Variants in ICE2 observed in about 807,000 individuals in gnomAD.
ICE2 encodes the protein little elongation complex subunit 2.
A neutral mutation model predicts 105.4 loss-of-function variants in ICE2; 87 were observed. The ratio of observed to expected loss-of-function variants is 0.83; its 90% confidence interval spans 0.69 to 0.99. The LOEUF (loss-of-function observed/expected upper bound fraction) is 0.99, where lower values mean the gene tolerates loss of function less well. ICE2 is among the 50% of genes least tolerant of loss of function. The pLI, the probability that ICE2 is intolerant of heterozygous loss-of-function variation, is 0.00. For synonymous variants in ICE2, 399 were observed against 392.0 expected, an observed-to-expected ratio of 1.02 and a Z score of -0.21; for missense variants, 1,323 against 1,146.7, an observed-to-expected ratio of 1.15 and a Z score of -2.22.
rs1463146740 is a variant in ICE2 at position 60,420,244 on chromosome 15, C to G, written c.*3390G>C. The G allele has an allele frequency of 6.6e-6, 1 of 152,008 alleles. No homozygotes were observed. The highest frequency in any genetic ancestry group is 1.5e-5 in the Non-Finnish European group (1 of 68,020). 9.4% of individuals were successfully genotyped at this position (152,008 alleles called of 1,614,324 possible). A position where few individuals can be genotyped will look rare whatever the true frequency, so the allele number is the denominator to read the frequency against. On this transcript the variant is annotated 3_prime_UTR_variant, in exon 16 of 16. Transcript: ENST00000261520. Reference sequence around the variant, plus strand: ...TAACACCATCATTTACTCAGTATCTCAAATGAGAAACCCAGAAGCCATACT... The same window carrying G: ...TAACACCATCATTTACTCAGTATCTGAAATGAGAAACCCAGAAGCCATACT...
Position 60,419,947 on chromosome 15 carries a change from A to G in ICE2, c.*3687T>C, listed in dbSNP as rs1045043767. On this transcript the variant is annotated 3_prime_UTR_variant, in exon 16 of 16. Transcript: ENST00000261520. ...AAGGGTGGAGCTTAAGTGTGGGCTT[A>G]GCGACTTACTAATCCTTCAGATGAC... 1.8e-4 allele frequency: 27 copies of G among 152,358 alleles called. No homozygotes were observed. Among genetic ancestry groups the G allele is most frequent in the African/African-American group, 6.5e-4 (27 of 41,588 alleles). The allele number at this position is 152,358 out of a possible 1,614,324, so 9.4% of individuals were successfully genotyped here.
intron 3 of ICE2, among the ~76,000 whole-genome samples, chr15:60,473,400 C>T (rs1176906301): frequency 6.6e-6 from 1 of 152,046 alleles, no homozygotes; most frequent in African/African-American, 2.4e-5. Flanking sequence ...TCAGGTGATC[C>T]TCACACCTCA....
chr15:60,434,543 AC>A (rs2063539017), intron 13 of ICE2, among the ~76,000 whole-genome samples: 1 of 98,868 alleles, frequency 1.0e-5, no homozygotes, highest in African/African-American at 3.8e-5. Flanking sequence ...ACACACACAC[AC>A]ACACACACAC....
At chr15:60,435,502 G>A (rs1324388703) in intron 13 of ICE2, among the ~76,000 whole-genome samples, 1 of 151,896 alleles carries the variant, frequency 6.6e-6, no homozygotes, top group East Asian at 1.9e-4. Flanking sequence ...AGGAGGCTGA[G>A]GCAGGAGAAT....
intron 1 of ICE2, chr15:60,478,497 C>T (rs1267091121): frequency 1.1e-5 from 2 of 183,800 alleles, no homozygotes; most frequent in South Asian, 1.9e-4. Flanking sequence ...GAATCTTAGG[C>T]CTTTCACAAA....
At chr15:60,458,602 T>G (rs1237852141) in intron 5 of ICE2, among the ~76,000 whole-genome samples, 1 of 152,116 alleles carries the variant, frequency 6.6e-6, no homozygotes, top group Non-Finnish European at 1.5e-5. Context: ...GACTTCTACA[T>G]TTAAGCAGGG....
At chr15:60,451,726 T>A in intron 9 of ICE2, 1 of 532,038 alleles carries the variant, frequency 1.9e-6, no homozygotes, top group Non-Finnish European at 2.4e-6. Flanking sequence ...ACTCCTGAGG[T>A]GCAGCCCCTT....
At chr15:60,472,649 T>A (rs917787514) in intron 3 of ICE2, among the ~76,000 whole-genome samples, 29 of 152,148 alleles carry the variant, frequency 1.9e-4, no homozygotes, top group African/African-American at 6.8e-4. Flanking sequence ...AGCCAGGCTA[T>A]AACCCACACC....
chr15:60,450,895 T>C (rs995734110), intron 9 of ICE2, among the ~76,000 whole-genome samples: 1 of 152,152 alleles, frequency 6.6e-6, no homozygotes, highest in Non-Finnish European at 1.5e-5. Flanking sequence ...AGTAAAAAAG[T>C]ATAATTAAAC....
intron 10 of ICE2, among the ~76,000 whole-genome samples, chr15:60,448,356 T>C (rs2063872006): frequency 6.6e-6 from 1 of 152,174 alleles, no homozygotes; most frequent in Non-Finnish European, 1.5e-5. Flanking sequence ...TTCTTCTCCT[T>C]TTAACTTTCA....
intron 15 of ICE2, among the ~76,000 whole-genome samples, chr15:60,428,124 C>T (rs910776136): frequency 6.6e-6 from 1 of 152,168 alleles, no homozygotes; most frequent in African/African-American, 2.4e-5. Flanking sequence ...AAAAACCCCA[C>T]AACTTTGCTT....
At chr15:60,438,923 T>C (rs553607566) in intron 12 of ICE2, 1 of 152,362 alleles carries the variant, frequency 6.6e-6, no homozygotes, top group South Asian at 2.1e-4. Flanking sequence ...CAAATATTTA[T>C]GTGCATCAAG....
intron 13 of ICE2, among the ~76,000 whole-genome samples, chr15:60,432,358 T>C (rs1276995801): frequency 1.3e-5 from 2 of 151,642 alleles, no homozygotes; most frequent in African/African-American, 4.8e-5. Flanking sequence ...AGGCTGATTT[T>C]TTTGTATTTT....
At position 60,479,087 on chromosome 15, in the gene ICE2, C is replaced by G; in HGVS notation, c.-177G>C. The G allele has an allele frequency of 2.2e-6, 1 of 447,838 alleles. No individual in the cohort carries two copies. The highest frequency in any genetic ancestry group is 4.5e-6 in the Non-Finnish European group (1 of 221,226). The allele number at this position is 447,838 out of a possible 1,614,324, so 27.7% of individuals were successfully genotyped here. A position where few individuals can be genotyped will look rare whatever the true frequency, so the allele number is the denominator to read the frequency against. On this transcript the variant is annotated 5_prime_UTR_variant, in exon 1 of 16. Transcript: ENST00000261520. ...CACTCCTCACATTGTCGCGCGCGCC[C>G]AAAAAAGACCATATTTAAAGGATGT...
chr15:60,433,553 A>T (rs897931619), intron 13 of ICE2, among the ~76,000 whole-genome samples: 12 of 150,708 alleles, frequency 8.0e-5, no homozygotes, highest in Non-Finnish European at 1.5e-4. Context: ...GTGCGGTGGC[A>T]CGATCTCGGC....
intron 12 of ICE2, chr15:60,439,015 T>C (rs561784727): frequency 5.4e-4 from 82 of 152,318 alleles, no homozygotes; most frequent in African/African-American, 1.9e-3. Context: ...CGTTCATTCA[T>C]ATATATATGC....
intron 12 of ICE2, among the ~76,000 whole-genome samples, 185 bp from the exon 13 acceptor site, chr15:60,436,412 T>C (rs572573706): frequency 6.6e-6 from 1 of 152,184 alleles, no homozygotes; most frequent in South Asian, 2.1e-4. Flanking sequence ...AATAACATAA[T>C]TCAGATTATA....
intron 13 of ICE2, among the ~76,000 whole-genome samples, chr15:60,433,379 C>A (rs2141006914): frequency 6.6e-6 from 1 of 152,186 alleles, no homozygotes; most frequent in Middle Eastern, 3.4e-3. Context: ...AGCTACCGCA[C>A]CCGGCCAAAT....
intron 9 of ICE2, chr15:60,451,311 C>G: frequency 1.2e-6 from 1 of 850,876 alleles, no homozygotes; most frequent in Non-Finnish European, 1.4e-6. Context: ...CCCAAGAATC[C>G]AAAGGGCATT....
Sources: gnomAD v4.1 joint callset for allele counts (sites outside exome capture counted in the v4.1 genomes callset) on GRCh38, gnomAD v4.1.1 for gene constraint, MANE v1.5 for transcripts, NCBI Gene and HGNC (gene_info 2026-07-23, HGNC 2026-07-21) for gene names.